Variants in WDR62 observed in about 807,000 individuals in gnomAD.
WDR62 encodes the protein WD repeat domain 62, also known as WD repeat-containing protein 62.
Under a neutral mutation model 160.6 loss-of-function variants are expected in WDR62, and 112 were observed. That is an observed-to-expected ratio of 0.70 (90% CI 0.60 to 0.82). WDR62 has a LOEUF of 0.82. Among genes scored for constraint, WDR62 ranks in the 40% least tolerant of loss-of-function variants. The pLI, the probability that WDR62 is intolerant of heterozygous loss-of-function variation, is 0.00. For missense variants in WDR62, 1,819 were observed against 1,983.8 expected (o/e 0.92, Z 1.58); for synonymous variants, 792 against 815.1 (o/e 0.97, Z 0.48).
Position 36,085,414 on chromosome 19 carries a change from C to CTTTTT in WDR62, c.1642+689_1642+693dup, listed in dbSNP as rs35753706. Among the ~76,000 whole-genome samples, 567 of 70,328 alleles carry CTTTTT rather than the reference C, an allele frequency of 8.1e-3. 104 individuals carry two copies. The East Asian group carries it at 0.11, about 14-fold the overall frequency. The allele number at this position is 70,328 out of a possible 152,430, so 46.1% of individuals were successfully genotyped here. A position where few individuals can be genotyped will look rare whatever the true frequency, so the allele number is the denominator to read the frequency against. On this transcript the variant is annotated intron_variant, in intron 12 of 31. Coordinates refer to ENST00000401500, the MANE Select transcript of WDR62 (RefSeq NM_001083961.2). ...TAGGGCATGAGCCACCACACCTGACCTTTTTTTTTTTTTTTTTTTTTTTGA... is the reference window on the plus strand; with the variant it reads ...TAGGGCATGAGCCACCACACCTGACCTTTTTTTTTTTTTTTTTTTTTTTTTTTTGA...
intron 9 of WDR62, among the ~76,000 whole-genome samples, chr19:36,079,191 C>A (rs546588982): frequency 6.6e-6 from 1 of 152,258 alleles, no homozygotes; most frequent in South Asian, 2.1e-4. Flanking sequence ...AAGCAGTTCT[C>A]CTGCCTCAGC....
intron 20 of WDR62, among the ~76,000 whole-genome samples, 166 bp from the exon 21 acceptor site, chr19:36,096,861 A>G (rs982238244): frequency 1.3e-5 from 2 of 152,194 alleles, no homozygotes; most frequent in African/African-American, 4.8e-5. Flanking sequence ...CTCGTGAGTC[A>G]AATATCGCAT....
chr19:36,109,329 G>C (rs1477462449), downstream of WDR62, among the ~76,000 whole-genome samples: 1 of 152,114 alleles, frequency 6.6e-6, no homozygotes, highest in African/African-American at 2.4e-5. Context: ...ATCATGGCTG[G>C]GTCTCTGCCT....
the WDR62 span, among the ~76,000 whole-genome samples, chr19:36,110,627 C>T: frequency 6.6e-6 from 1 of 152,230 alleles, no homozygotes; most frequent in South Asian, 2.1e-4. Context: ...TGAATGTTAG[C>T]CCTGGGAATC....
At chr19:36,068,060 T>C (rs779180447) in intron 7 of WDR62, 50 bp downstream of exon 7, 12 of 1,577,802 alleles carry the variant, frequency 7.6e-6, no homozygotes, top group African/African-American at 1.3e-5. Flanking sequence ...TCTCGTGATA[T>C]GTGTCTGCAG....
chr19:36,100,293 A>G (rs571336996), intron 22 of WDR62, among the ~76,000 whole-genome samples: 3 of 152,270 alleles, frequency 2.0e-5, no homozygotes, highest in African/African-American at 7.2e-5. Context: ...TGTCATCTTC[A>G]TTGTGGTATA....
intron 1 of WDR62, among the ~76,000 whole-genome samples, chr19:36,055,906 C>T (rs866300941): frequency 1.3e-5 from 2 of 152,208 alleles, no homozygotes; most frequent in South Asian, 2.1e-4. Context: ...CGGTAGCTCA[C>T]GTCTGTAATC....
At chr19:36,106,570 T>G (rs548286969), downstream of WDR62, among the ~76,000 whole-genome samples, 1 of 152,112 alleles carries the variant, frequency 6.6e-6, no homozygotes, top group Admixed American at 6.5e-5. Flanking sequence ...CGAGGTGACA[T>G]TTGGGCTGAA....
intron 11 of WDR62, 57 bp downstream of exon 11, chr19:36,083,298 AG>A: frequency 6.5e-7 from 1 of 1,531,634 alleles, no homozygotes. Context: ...TCAGGTTCTC[AG>A]GGCAGTGGGC....
chr19:36,060,182 C>T (rs1272090993), intron 3 of WDR62, 152 bp downstream of exon 3: 8 of 793,272 alleles, frequency 1.0e-5, no homozygotes, highest in African/African-American at 1.7e-5. Context: ...GGTGCTGTTC[C>T]GTGTGCTGGG....
chr19:36,100,526 G>A (rs150334351), intron 22 of WDR62, among the ~76,000 whole-genome samples: 2 of 152,312 alleles, frequency 1.3e-5, no homozygotes, highest in African/African-American at 2.4e-5. Context: ...AAATAGACAC[G>A]TAGAGGGTTG....
At chr19:36,095,541 C>G (rs964742206) in intron 20 of WDR62, among the ~76,000 whole-genome samples, 1 of 152,236 alleles carries the variant, frequency 6.6e-6, no homozygotes, top group Admixed American at 6.5e-5. Flanking sequence ...CGCCTGTAAT[C>G]CCAGCACTCA....
intron 7 of WDR62, among the ~76,000 whole-genome samples, chr19:36,069,615 G>A (rs867131807): frequency 6.6e-6 from 1 of 152,216 alleles, no homozygotes; most frequent in African/African-American, 2.4e-5. Flanking sequence ...CTGCAATCTC[G>A]GCACTTTGGG....
chr19:36,105,844 A>G (rs1568376128), downstream of WDR62, among the ~76,000 whole-genome samples: 1 of 151,462 alleles, frequency 6.6e-6, no homozygotes, highest in East Asian at 2.0e-4. Flanking sequence ...GATTACAGGC[A>G]CCCACCACCA....
Position 36,103,880 on chromosome 19 carries a change from C to T in WDR62, c.4052C>T (p.Pro1351Leu). ...GSAFRPSLPAPESPGLPAHPS... is the reference protein window; with the variant it reads ...GSAFRPSLPALESPGLPAHPS... ...GCCTTTCGCCCAAGTCTCCCAGCTC[C>T]TGAGTCCCCTGGCCTTCCTGCCCAC... Residue 1351 changes from proline to leucine, a missense_variant, in exon 30 of 32, where the codon CCT becomes CTT. Pro to Leu is a moderately conservative substitution (Grantham distance 98, BLOSUM62 -3). Coordinates refer to ENST00000401500, the MANE Select transcript of WDR62 (RefSeq NM_001083961.2). The T allele has an allele frequency of 1.2e-6, 2 of 1,600,878 alleles. No individual in the cohort carries two copies. The highest frequency in any genetic ancestry group is 1.1e-5 in the South Asian group (1 of 91,080).
chr19:36,073,540 C>A lies in WDR62; in HGVS notation c.1233+9C>A. 8.4e-7 allele frequency: 1 copy of A among 1,183,528 alleles called. No individual in the cohort carries two copies. The highest frequency in any genetic ancestry group is 1.2e-6 in the Non-Finnish European group (1 of 824,850). 73.3% of individuals were successfully genotyped at this position (1,183,528 alleles called of 1,614,324 possible). On this transcript the variant is annotated intron_variant, in intron 9 of 31. Transcript: ENST00000401500. ...ACGTTTGGAACGTGGAGGTGAGCCC[C>A]CCCCCCACCCCCTTGCCCCTGCTTG...
chr19:36,108,866 A>C (rs1022410623), downstream of WDR62, among the ~76,000 whole-genome samples: 4 of 150,576 alleles, frequency 2.7e-5, no homozygotes, highest in Non-Finnish European at 4.4e-5. Flanking sequence ...AAAAAAAAAA[A>C]AAAAAAAACC....
At chr19:36,079,059 C>A (rs1030082956) in intron 9 of WDR62, among the ~76,000 whole-genome samples, 1 of 151,378 alleles carries the variant, frequency 6.6e-6, no homozygotes, top group African/African-American at 2.4e-5. Flanking sequence ...TCTGTCTTTT[C>A]TTTTTTTTGT....
chr19:36,078,082 C>T (rs1294779413), intron 9 of WDR62, among the ~76,000 whole-genome samples: 1 of 151,792 alleles, frequency 6.6e-6, no homozygotes, highest in Non-Finnish European at 1.5e-5. Context: ...TTGACGGCCA[C>T]TTGGGTTTTT....
Sources: allele counts gnomAD v4.1 joint callset (sites outside exome capture counted in the v4.1 genomes callset), GRCh38; gene constraint gnomAD v4.1.1; transcripts MANE v1.5; gene names NCBI Gene and HGNC (gene_info 2026-07-23, HGNC 2026-07-21).